The following SLC4A1AP variants were observed in gnomAD, a reference collection of about 807,000 sequenced individuals.
SLC4A1AP encodes the protein kanadaptin.
SLC4A1AP carries 64 observed loss-of-function variants against 89.7 expected under a neutral mutation model. The ratio of observed to expected loss-of-function variants is 0.71; its 90% CI spans 0.58 to 0.88. The LOEUF (loss-of-function observed/expected upper bound fraction) is 0.88, where lower values mean the gene tolerates loss of function less well. Ranked by LOEUF, SLC4A1AP falls within the 40% of genes least tolerant of loss-of-function variation. The pLI is 0.00. For synonymous variants in SLC4A1AP, 366 were observed against 353.3 expected (o/e 1.04, Z -0.40); for missense variants, 931 against 965.0 (o/e 0.96, Z 0.47).
At chr2:27,675,469 G>A (rs186559448) in intron 5 of SLC4A1AP, 63 bp from the exon 6 acceptor site, 20 of 1,202,124 alleles carry the variant, frequency 1.7e-5, no homozygotes, top group Admixed American at 2.4e-5. Context: ...TTGCCTACTT[G>A]CCTTCTTTCT....
At chr2:27,680,020 G>C (rs1675594085) in intron 8 of SLC4A1AP, among the ~76,000 whole-genome samples, 1 of 152,130 alleles carries the variant, frequency 6.6e-6, no homozygotes, top group African/African-American at 2.4e-5. Flanking sequence ...TCGATACCCT[G>C]TCCCCCCAAC....
At chr2:27,670,908 ATTTCT>A (rs1461110461) in intron 5 of SLC4A1AP, among the ~76,000 whole-genome samples, 5 of 140,668 alleles carry the variant, frequency 3.6e-5, no homozygotes, top group Admixed American at 1.4e-4. Flanking sequence ...AAACACCTGT[ATTTCT>A]TTTCTTTTCT....
chr2:27,686,536 G>A (rs939929263), intron 10 of SLC4A1AP, among the ~76,000 whole-genome samples: 7 of 152,112 alleles, frequency 4.6e-5, no homozygotes, highest in African/African-American at 9.7e-5. Context: ...AGGCCGAGGC[G>A]GATGGATCAC....
At chr2:27,693,656 G>C (rs1321283767) in intron 12 of SLC4A1AP, 29 bp from the exon 13 acceptor site, 2 of 1,556,070 alleles carry the variant, frequency 1.3e-6, no homozygotes, top group Admixed American at 3.8e-5. Flanking sequence ...AAATTCTTGT[G>C]AATAAAACAA....
chr2:27,690,998 C>CT (rs1057031164), intron 12 of SLC4A1AP, among the ~76,000 whole-genome samples: 19 of 150,970 alleles, frequency 1.3e-4, no homozygotes, highest in South Asian at 8.4e-4. Context: ...CTCTAGTTTT[C>CT]TTTTTTTTTG....
At chr2:27,673,340 T>C (rs1166954060) in intron 5 of SLC4A1AP, among the ~76,000 whole-genome samples, 2 of 151,840 alleles carry the variant, frequency 1.3e-5, no homozygotes, top group East Asian at 1.9e-4. Flanking sequence ...TTTCTTTCTT[T>C]CTTTCTTTTT....
At chr2:27,689,207 G>T (rs1168312968) in intron 12 of SLC4A1AP, among the ~76,000 whole-genome samples, 1 of 152,098 alleles carries the variant, frequency 6.6e-6, no homozygotes, top group Non-Finnish European at 1.5e-5. Context: ...TTATCTAACA[G>T]TTCCTTACAG....
chr2:27,668,875 G>A, exon 4 of SLC4A1AP: 1 of 1,614,056 alleles, frequency 6.2e-7, no homozygotes, highest in Non-Finnish European at 8.5e-7. Flanking sequence ...TGATGAACAG[G>A]GACATAGCAC....
At chr2:27,691,363 T>C (rs1037099064) in intron 12 of SLC4A1AP, among the ~76,000 whole-genome samples, 1 of 152,160 alleles carries the variant, frequency 6.6e-6, no homozygotes, top group African/African-American at 2.4e-5. Context: ...AAAGGATCTT[T>C]TGTATTTCTG....
intron 1 of SLC4A1AP, 49 bp from the exon 2 acceptor site, chr2:27,665,051 G>A (rs769486274): frequency 1.4e-6 from 2 of 1,480,944 alleles, no homozygotes; most frequent in East Asian, 2.3e-5. Flanking sequence ...GACAGAGCAA[G>A]ACCCTGTCTC....
chr2:27,689,282 A>G (rs970762721), intron 12 of SLC4A1AP, among the ~76,000 whole-genome samples: 16 of 152,208 alleles, frequency 1.1e-4, no homozygotes, highest in African/African-American at 3.4e-4. Context: ...TCTTGTATAT[A>G]TATAATTTTG....
intron 13 of SLC4A1AP, 28 bp downstream of exon 13, chr2:27,693,782 T>C: frequency 1.3e-6 from 2 of 1,543,036 alleles, no homozygotes; most frequent in Non-Finnish European, 1.8e-6. Context: ...TTTTTTCCTC[T>C]AAGGTTCATT....
At chr2:27,693,236 A>AT (rs35289345) in intron 12 of SLC4A1AP, 25,656 of 140,900 alleles carry the variant, frequency 0.18, 2,602 homozygotes, top group East Asian at 0.33. Context: ...CCAGCCTGTG[A>AT]TTTTTTTTTT....
chr2:27,688,155 C>A, intron 11 of SLC4A1AP, 135 bp downstream of exon 11: 2 of 653,000 alleles, frequency 3.1e-6, no homozygotes, highest in Admixed American at 3.2e-5. Flanking sequence ...GGCCCCTGGA[C>A]AAAGTTGGAA....
rs761151199 is a variant in SLC4A1AP, at chr2:27,665,085, T to A, written c.826-15T>A. ...TCTAAATAAATAAATAACCTTTTTT[T>A]CCTTGGTTCATCAGGGACCAGAGGA... On this transcript the variant is annotated splice_polypyrimidine_tract_variant and intron_variant, in intron 1 of 13. Coordinates refer to ENST00000613058, the Ensembl canonical transcript of SLC4A1AP. 5.0e-6 allele frequency: 8 copies of A among 1,591,798 alleles called. No individual in the cohort carries two copies. The highest frequency in any genetic ancestry group is 6.0e-6 in the Non-Finnish European group (7 of 1,169,278).
At chr2:27,690,240 G>C (rs1675768089) in intron 12 of SLC4A1AP, among the ~76,000 whole-genome samples, 1 of 152,092 alleles carries the variant, frequency 6.6e-6, no homozygotes, top group African/African-American at 2.4e-5. Flanking sequence ...TGAGATTTTA[G>C]TGCACCTGTC....
At chr2:27,669,050 T>C (rs1675379456) in intron 4 of SLC4A1AP, 147 bp downstream of exon 4, 4 of 1,009,408 alleles carry the variant, frequency 4.0e-6, no homozygotes, top group South Asian at 3.1e-5. Context: ...GTAACCCTTA[T>C]ATTATTGGAG....
At chr2:27,684,415 A>C (rs1675671556) in intron 9 of SLC4A1AP, among the ~76,000 whole-genome samples, 1 of 151,100 alleles carries the variant, frequency 6.6e-6, no homozygotes, top group Non-Finnish European at 1.5e-5. Flanking sequence ...GCCACAGAGC[A>C]AGACTCTGTC....
intron 9 of SLC4A1AP, among the ~76,000 whole-genome samples, chr2:27,683,771 ACTGTCACCCAGG>A (rs1379781801): frequency 2.0e-5 from 3 of 152,076 alleles, no homozygotes; most frequent in African/African-American, 7.2e-5. Context: ...ACAGTCTCAC[ACTGTCACCCAGG>A]CTGCAGTGCA....
Sources: gnomAD v4.1 joint callset for allele counts (sites outside exome capture counted in the v4.1 genomes callset) on GRCh38, gnomAD v4.1.1 for gene constraint, MANE v1.5 for transcripts, NCBI Gene and HGNC (gene_info 2026-07-23, HGNC 2026-07-21) for gene names.